The following LRRC4C variants were observed in gnomAD, a reference collection of about 807,000 sequenced individuals.
The protein encoded by LRRC4C is leucine-rich repeat-containing protein 4C.
In LRRC4C, 5 loss-of-function variants were observed where a neutral mutation model predicts 33.6. The ratio of observed to expected loss-of-function variants is 0.15; its 90% CI spans 0.08 to 0.31. LRRC4C has a LOEUF of 0.31. Ranked by LOEUF, LRRC4C falls within the 10% of genes least tolerant of loss-of-function variation. The probability of loss-of-function intolerance (pLI) is 1.00; values close to 1 mark genes in which losing one functional copy is unlikely to be tolerated. For synonymous variants in LRRC4C, 329 were observed against 302.0 expected, an observed-to-expected ratio of 1.09 and a Z score of -0.93; for missense variants, 560 against 796.7, an observed-to-expected ratio of 0.70 and a Z score of 3.58.
rs559325981 is a variant in LRRC4C at position 41,337,507 on chromosome 11, C to A, written c.-496+121924G>T. ...CCATATGCAGAAAACTGAAATTGGA[C>A]CCCTCCCTTACACCTTATAAAAATT... is the stretch of plus-strand genomic sequence containing the variant. On this transcript the variant is annotated intron_variant, in intron 1 of 6. Coordinates refer to ENST00000528697, the MANE Select transcript of LRRC4C (RefSeq NM_001258419.2). 2.6e-5 allele frequency among the ~76,000 whole-genome samples: 4 copies of A among 152,142 alleles called. No homozygotes were observed. In the South Asian group the frequency reaches 8.3e-4, roughly 32 times the overall value.
intron 3 of LRRC4C, among the ~76,000 whole-genome samples, chr11:40,574,183 C>T (rs961268570): frequency 1.3e-5 from 2 of 152,184 alleles, no homozygotes; most frequent in African/African-American, 2.4e-5. Flanking sequence ...AAGTCAAGGA[C>T]TCCTTCCATC....
intron 3 of LRRC4C, among the ~76,000 whole-genome samples, chr11:40,447,480 A>T (rs1590766018): frequency 6.6e-6 from 1 of 152,144 alleles, no homozygotes; most frequent in Non-Finnish European, 1.5e-5. Flanking sequence ...GCTAGCATCC[A>T]CTTAACTTTA....
chr11:41,046,636 A>G (rs957677503), intron 1 of LRRC4C, among the ~76,000 whole-genome samples: 6 of 152,162 alleles, frequency 3.9e-5, no homozygotes, highest in African/African-American at 1.4e-4. Flanking sequence ...TAAACTGTGC[A>G]CATCTTGAGG....
intron 4 of LRRC4C, among the ~76,000 whole-genome samples, chr11:40,265,477 C>T (rs1204749381): frequency 6.6e-6 from 1 of 152,150 alleles, no homozygotes; most frequent in Non-Finnish European, 1.5e-5. Flanking sequence ...CTAAATATTC[C>T]ATTATCTCTT....
At chr11:40,795,380 A>G (rs1157867500) in intron 2 of LRRC4C, among the ~76,000 whole-genome samples, 1 of 151,998 alleles carries the variant, frequency 6.6e-6, no homozygotes, top group Admixed American at 6.5e-5. Context: ...TACAAAAAAA[A>G]TTAGCCAGGC....
chr11:40,827,557 C>T (rs1458812625), intron 2 of LRRC4C, among the ~76,000 whole-genome samples: 1 of 151,802 alleles, frequency 6.6e-6, no homozygotes, highest in African/African-American at 2.4e-5. Flanking sequence ...ATATTAAAAC[C>T]TGAATAACAC....
intron 1 of LRRC4C, among the ~76,000 whole-genome samples, chr11:41,238,728 T>C (rs888588905): frequency 6.6e-6 from 1 of 152,182 alleles, no homozygotes; most frequent in Non-Finnish European, 1.5e-5. Flanking sequence ...ACCCTGGACC[T>C]TCCTCTCTAC....
chr11:41,266,048 T>G (rs1327368338), intron 1 of LRRC4C, among the ~76,000 whole-genome samples: 4 of 152,082 alleles, frequency 2.6e-5, no homozygotes, highest in Non-Finnish European at 4.4e-5. Context: ...AAATTTATTG[T>G]TTTTGGCATA....
At chr11:40,636,549 C>T (rs549654851) in intron 3 of LRRC4C, among the ~76,000 whole-genome samples, 9 of 152,184 alleles carry the variant, frequency 5.9e-5, no homozygotes, top group Non-Finnish European at 1.0e-4. Context: ...AGAGAAATGG[C>T]ACTAGGATTT....
At chr11:40,665,351 T>TATATATATATAC (rs1565615201) in intron 2 of LRRC4C, among the ~76,000 whole-genome samples, 7 of 15,468 alleles carry the variant, frequency 4.5e-4, no homozygotes, top group Non-Finnish European at 2.9e-4. Flanking sequence ...TATATATATA[T>TATATATATATAC]ATATATATAT....
chr11:40,294,772 A>G (rs1237734793), intron 4 of LRRC4C, among the ~76,000 whole-genome samples: 1 of 152,162 alleles, frequency 6.6e-6, no homozygotes, highest in African/African-American at 2.4e-5. Flanking sequence ...GGTTGCAGTG[A>G]GCCGAGATTG....
intron 1 of LRRC4C, among the ~76,000 whole-genome samples, chr11:40,958,457 A>C (rs1959056603): frequency 6.6e-6 from 1 of 151,746 alleles, no homozygotes; most frequent in African/African-American, 2.4e-5. Context: ...ACTGATTTTC[A>C]CTTTAAGATA....
At chr11:40,832,799 G>A (rs577014685) in intron 2 of LRRC4C, among the ~76,000 whole-genome samples, 2 of 152,248 alleles carry the variant, frequency 1.3e-5, no homozygotes, top group East Asian at 3.9e-4. Flanking sequence ...AATCTAGAAT[G>A]AGGTAGTACA....
intron 2 of LRRC4C, among the ~76,000 whole-genome samples, chr11:40,713,546 C>A (rs899023945): frequency 2.0e-5 from 3 of 152,230 alleles, no homozygotes; most frequent in African/African-American, 7.2e-5. Context: ...GTTTCTTCAA[C>A]TTCAAAATGA....
intron 3 of LRRC4C, among the ~76,000 whole-genome samples, chr11:40,358,035 T>C (rs937067044): frequency 2.6e-5 from 4 of 151,716 alleles, no homozygotes; most frequent in African/African-American, 7.3e-5. Context: ...ATACAAAAAT[T>C]AGCCAGGCAT....
At chr11:41,033,672 G>A (rs73468588) in intron 1 of LRRC4C, among the ~76,000 whole-genome samples, 2,358 of 152,038 alleles carry the variant, frequency 0.016, 66 homozygotes, top group African/African-American at 0.054. Context: ...TTTAAGACCC[G>A]GGGAAGCCAA....
intron 2 of LRRC4C, among the ~76,000 whole-genome samples, chr11:40,872,375 C>T (rs1271686178): frequency 6.6e-6 from 1 of 151,096 alleles, no homozygotes; most frequent in Non-Finnish European, 1.5e-5. Context: ...ATTGGGAGAA[C>T]AGTTTATGAG....
intron 4 of LRRC4C, among the ~76,000 whole-genome samples, chr11:40,282,078 G>T (rs1943514037): frequency 6.6e-6 from 1 of 152,136 alleles, no homozygotes; most frequent in African/African-American, 2.4e-5. Flanking sequence ...ACTCATCACT[G>T]GCTCTTCTAA....
intron 1 of LRRC4C, among the ~76,000 whole-genome samples, chr11:41,236,873 A>G (rs1450312514): frequency 6.6e-6 from 1 of 152,206 alleles, no homozygotes; most frequent in African/African-American, 2.4e-5. Flanking sequence ...GAATCATTGT[A>G]GTCTAGCTGC....
Sources: allele counts gnomAD v4.1 joint callset (sites outside exome capture counted in the v4.1 genomes callset), GRCh38; gene constraint gnomAD v4.1.1; transcripts MANE v1.5; gene names NCBI Gene and HGNC (gene_info 2026-07-23, HGNC 2026-07-21).